Variants in UST observed in about 807,000 individuals in gnomAD.
UST encodes the protein uronyl 2-sulfotransferase.
UST carries 21 observed loss-of-function variants against 45.6 expected under a neutral mutation model. The observed-to-expected ratio is 0.46, with a 90% confidence interval of 0.33 to 0.66. The LOEUF (loss-of-function observed/expected upper bound fraction) is 0.66, where lower values mean the gene tolerates loss of function less well. Among genes scored for constraint, UST ranks in the 30% least tolerant of loss-of-function variants. The probability of loss-of-function intolerance (pLI) is 0.02; values close to 1 mark genes in which losing one functional copy is unlikely to be tolerated. For synonymous variants in UST, 215 were observed against 200.6 expected (o/e 1.07, Z -0.61); for missense variants, 463 against 512.4 (o/e 0.90, Z 0.93).
At chr6:148,843,381 T>C (rs1199163825) in intron 1 of UST, among the ~76,000 whole-genome samples, 1 of 152,260 alleles carries the variant, frequency 6.6e-6, no homozygotes, top group African/African-American at 2.4e-5. Flanking sequence ...AAAGGACTAA[T>C]TTTTTAAACG....
At chr6:148,863,952 G>C (rs564592024) in intron 1 of UST, among the ~76,000 whole-genome samples, 1 of 152,344 alleles carries the variant, frequency 6.6e-6, no homozygotes, top group South Asian at 2.1e-4. Context: ...TCGGGGGTCA[G>C]GGACCAACTT....
Position 148,748,447 on chromosome 6 carries a change from GT to G in UST, c.247+771del, listed in dbSNP as rs1775922813. ...TGTGTGTGTGTGTGTGTGTGTGTGT[GT>G]GTGTGGTTTATTAGGAGAGAGGCCG... On this transcript the variant is annotated intron_variant, in intron 1 of 7. Coordinates refer to ENST00000367463, the MANE Select transcript of UST (RefSeq NM_005715.3). The surrounding 1 kb of genome is among the most constrained non-coding windows in gnomAD (Gnocchi z 5.3). 1.5e-5 allele frequency among the ~76,000 whole-genome samples: 2 copies of G among 134,554 alleles called. No individual in the cohort carries two copies. The highest frequency in any genetic ancestry group is 7.6e-5 in the Admixed American group (1 of 13,144). 88.3% of individuals were successfully genotyped at this position (134,554 alleles called of 152,430 possible). A position where few individuals can be genotyped will look rare whatever the true frequency, so the allele number is the denominator to read the frequency against.
chr6:148,788,472 TA>T (rs1444100761), intron 1 of UST, among the ~76,000 whole-genome samples: 1 of 152,202 alleles, frequency 6.6e-6, no homozygotes, highest in Non-Finnish European at 1.5e-5. Context: ...ATCACTGAAA[TA>T]ATCAGAAATT....
At chr6:148,910,796 G>A (rs971656) in intron 2 of UST, among the ~76,000 whole-genome samples, 61,380 of 151,960 alleles carry the variant, frequency 0.4, 12,472 homozygotes, top group African/African-American at 0.43. Context: ...TGCATCCTAA[G>A]GTAAATAAAC....
intron 3 of UST, among the ~76,000 whole-genome samples, chr6:148,946,436 A>G (rs1341737846): frequency 2.0e-5 from 3 of 146,718 alleles, no homozygotes; most frequent in African/African-American, 7.5e-5. Context: ...ACTTGAACCC[A>G]GGAGGCAGAG....
At chr6:149,039,534 G>A (rs931980876) in intron 7 of UST, among the ~76,000 whole-genome samples, 4 of 152,178 alleles carry the variant, frequency 2.6e-5, no homozygotes, top group Admixed American at 2.0e-4. Context: ...CAGCGGCACG[G>A]CAAGTTAGAT....
chr6:148,867,331 T>C (rs879910745), intron 1 of UST, among the ~76,000 whole-genome samples: 9 of 146,276 alleles, frequency 6.2e-5, no homozygotes, highest in Non-Finnish European at 1.2e-4. Context: ...CACACACATA[T>C]ATATGTACGT....
At chr6:148,971,449 G>A (rs937679840) in intron 5 of UST, among the ~76,000 whole-genome samples, 3 of 152,142 alleles carry the variant, frequency 2.0e-5, no homozygotes, top group Admixed American at 6.5e-5. Context: ...TGAAATAGTG[G>A]CTGCATCACA....
chr6:148,885,051 A>G (rs1298239252), intron 1 of UST, among the ~76,000 whole-genome samples: 1 of 152,178 alleles, frequency 6.6e-6, no homozygotes, highest in Non-Finnish European at 1.5e-5. Context: ...AGATGCCTTT[A>G]GACATCCAAG....
intron 7 of UST, among the ~76,000 whole-genome samples, chr6:149,027,120 A>G (rs1326324240): frequency 6.6e-6 from 1 of 152,156 alleles, no homozygotes; most frequent in Admixed American, 6.5e-5. Context: ...TCCCATTAGA[A>G]GGATGGTAGT....
intron 4 of UST, among the ~76,000 whole-genome samples, chr6:148,963,360 C>A (rs73605019): frequency 0.083 from 12,590 of 152,226 alleles, 1,623 homozygotes; most frequent in African/African-American, 0.28. Context: ...CCAGAGCATG[C>A]CCTCTGCCCA....
intron 5 of UST, among the ~76,000 whole-genome samples, chr6:149,015,166 GA>G (rs1775878556): frequency 6.6e-6 from 1 of 152,178 alleles, no homozygotes; most frequent in East Asian, 1.9e-4. Context: ...CCATCTGGTG[GA>G]AACATTACAG....
chr6:148,922,653 T>C (rs1779734456), intron 2 of UST, among the ~76,000 whole-genome samples: 1 of 151,264 alleles, frequency 6.6e-6, no homozygotes, highest in South Asian at 2.1e-4. Context: ...TTTTGTATTT[T>C]CTATAGAGAC....
At chr6:148,976,663 A>T (rs1039309315) in intron 5 of UST, among the ~76,000 whole-genome samples, 1 of 152,232 alleles carries the variant, frequency 6.6e-6, no homozygotes, top group Non-Finnish European at 1.5e-5. Context: ...GCATCTTCTC[A>T]CATGTTTAAG....
intron 7 of UST, among the ~76,000 whole-genome samples, chr6:149,070,439 T>G (rs1332021418): frequency 6.6e-6 from 1 of 151,884 alleles, no homozygotes; most frequent in East Asian, 1.9e-4. Context: ...AATTCTAGAG[T>G]GTTCAATGTG....
At chr6:148,908,034 G>A (rs951305831) in intron 2 of UST, among the ~76,000 whole-genome samples, 10 of 149,686 alleles carry the variant, frequency 6.7e-5, no homozygotes, top group African/African-American at 2.0e-4. Context: ...TCAGCCTCCC[G>A]AGTAGCTGGG....
Position 148,799,747 on chromosome 6 carries a change from C to G in UST, c.247+52070C>G, listed in dbSNP as rs1436979690. Among the ~76,000 whole-genome samples the G allele has an allele frequency of 2.6e-5, 4 of 152,092 alleles. No individual in the cohort carries two copies. The East Asian group carries it at 7.7e-4, about 29-fold the overall frequency. ...ATACTCATTCTTTATCAGAAAGTACCTAGAAGCTGATAAAGCTTGTACTTA... is the reference window on the plus strand; with the variant it reads ...ATACTCATTCTTTATCAGAAAGTACGTAGAAGCTGATAAAGCTTGTACTTA... On this transcript the variant is annotated intron_variant, in intron 1 of 7. Coordinates refer to ENST00000367463, the MANE Select transcript of UST (RefSeq NM_005715.3).
chr6:148,957,311 ACT>A (rs1030886453), intron 4 of UST, among the ~76,000 whole-genome samples: 12 of 152,152 alleles, frequency 7.9e-5, no homozygotes, highest in African/African-American at 2.7e-4. Context: ...TGATTGTTCC[ACT>A]CATAGAACAT....
At chr6:148,845,009 C>T (rs1173171112) in intron 1 of UST, among the ~76,000 whole-genome samples, 1 of 151,966 alleles carries the variant, frequency 6.6e-6, no homozygotes, top group Non-Finnish European at 1.5e-5. Flanking sequence ...GTATGTGTAC[C>T]ACATAGTCTC....
Sources: allele counts gnomAD v4.1 joint callset (sites outside exome capture counted in the v4.1 genomes callset), GRCh38; gene constraint gnomAD v4.1.1; non-coding constraint Gnocchi (gnomAD v3.1); transcripts MANE v1.5; gene names NCBI Gene and HGNC (gene_info 2026-07-23, HGNC 2026-07-21).